The following EPHA3 variants were observed in gnomAD, a reference collection of about 807,000 sequenced individuals.
The protein encoded by EPHA3 is ephrin type-A receptor 3.
EPHA3 carries 42 observed loss-of-function variants against 107.1 expected under a neutral mutation model. That is an observed-to-expected ratio of 0.39 (90% CI 0.31 to 0.51). The LOEUF (loss-of-function observed/expected upper bound fraction) is 0.51, where lower values mean the gene tolerates loss of function less well. EPHA3 is among the 20% of genes least tolerant of loss of function. The pLI is 0.78. For missense variants in EPHA3, 1,183 were observed against 1,211.2 expected (o/e 0.98, Z 0.35); for synonymous variants, 461 against 424.8 (o/e 1.09, Z -1.05).
chr3:89,246,301 G>A (rs750308754), intron 3 of EPHA3, among the ~76,000 whole-genome samples: 5 of 152,178 alleles, frequency 3.3e-5, no homozygotes, highest in Non-Finnish European at 7.3e-5. Flanking sequence ...AAGGCTGAGA[G>A]AAATCCTCCC....
At chr3:89,419,146 A>G in intron 10 of EPHA3, 59 bp from the exon 11 acceptor site, 3 of 1,485,180 alleles carry the variant, frequency 2.0e-6, no homozygotes, top group Non-Finnish European at 2.7e-6. Context: ...GTTGCTCTCT[A>G]CTGATGAATT....
At position 89,447,135 on chromosome 3, in the gene EPHA3, G is replaced by A. The variant is rs538027166; in HGVS notation, c.2347-2090G>A. ...TTATAAAAACATAAACTTGATCTAG[G>A]CATATGTAGATGAGTGCTTTGGGAG... On this transcript the variant is annotated intron_variant, in intron 13 of 16. Coordinates refer to ENST00000336596, the MANE Select transcript of EPHA3 (RefSeq NM_005233.6). Among the ~76,000 whole-genome samples, 17 of 152,226 alleles carry A rather than the reference G, an allele frequency of 1.1e-4. No homozygotes were observed. The South Asian group carries it at 3.5e-3, about 32-fold the overall frequency.
At chr3:89,262,283 TA>T (rs1444566873) in intron 3 of EPHA3, among the ~76,000 whole-genome samples, 3 of 152,194 alleles carry the variant, frequency 2.0e-5, no homozygotes, top group Non-Finnish European at 4.4e-5. Flanking sequence ...CTGGATGACT[TA>T]AAACAACAGA....
At chr3:89,255,175 T>A (rs1705253758) in intron 3 of EPHA3, among the ~76,000 whole-genome samples, 1 of 152,204 alleles carries the variant, frequency 6.6e-6, no homozygotes, top group South Asian at 2.1e-4. Flanking sequence ...TACTTAAAAA[T>A]TTATTTTTAG....
At chr3:89,278,021 A>G (rs1036780759) in intron 3 of EPHA3, among the ~76,000 whole-genome samples, 15 of 152,086 alleles carry the variant, frequency 9.9e-5, no homozygotes, top group Non-Finnish European at 1.8e-4. Flanking sequence ...TTTGACAAAG[A>G]TCTGTGCTTT....
intron 2 of EPHA3, among the ~76,000 whole-genome samples, chr3:89,164,616 T>C (rs1464813840): frequency 6.6e-6 from 1 of 152,106 alleles, no homozygotes; most frequent in Non-Finnish European, 1.5e-5. Context: ...CTAGAAATCT[T>C]CCAGCACAAA....
chr3:89,136,330 C>CTTGTTTTTTTTTTTTT (rs1704309812), intron 2 of EPHA3, among the ~76,000 whole-genome samples: 4 of 23,370 alleles, frequency 1.7e-4, no homozygotes, highest in Non-Finnish European at 2.3e-4. Flanking sequence ...ATCTTACAGG[C>CTTGTTTTTTTTTTTTT]TTTTTTTTTT....
At position 89,265,254 on chromosome 3, in the gene EPHA3, A is replaced by G. The variant is rs563704109; in HGVS notation, c.814+54734A>G. Among the ~76,000 whole-genome samples the G allele has an allele frequency of 2.6e-5, 4 of 152,300 alleles. No homozygotes were observed. In the Middle Eastern group the frequency reaches 0.014, roughly 518 times the overall value. ...AGCTACATTTCCCAAAACTGGTGTC[A>G]TAGAGCATAGCATTTATTTAGAGAT... On this transcript the variant is annotated intron_variant, in intron 3 of 16. Coordinates refer to ENST00000336596, the MANE Select transcript of EPHA3 (RefSeq NM_005233.6).
chr3:89,419,304 A>G lies in EPHA3; in HGVS notation c.1988A>G (p.Gln663Arg). 6.2e-7 allele frequency: 1 copy of G among 1,610,654 alleles called. No individual in the cohort carries two copies. The highest frequency in any genetic ancestry group is 8.5e-7 in the Non-Finnish European group (1 of 1,177,808). Residue 663 changes from glutamine (Q) to arginine (R), a missense_variant, in exon 11 of 17, where the codon CAG (glutamine) becomes CGG (arginine). By Grantham distance (43) the Gln-to-Arg change is conservative (BLOSUM62 1). Coordinates refer to ENST00000336596, the MANE Select transcript of EPHA3 (RefSeq NM_005233.6). ...CTGAAAGTTGGCTACACAGAAAAGC[A>G]GAGGAGAGACTTCCTGGGAGAAGCA... ...KTLKVGYTEK[Q>R]RRDFLGEASI... is the part of the protein sequence containing the mutation.
intron 3 of EPHA3, among the ~76,000 whole-genome samples, chr3:89,226,909 A>G (rs1342272686): frequency 1.3e-5 from 2 of 152,040 alleles, no homozygotes; most frequent in Non-Finnish European, 2.9e-5. Flanking sequence ...CCATTGCATA[A>G]GATTGTTGAG....
intron 3 of EPHA3, among the ~76,000 whole-genome samples, chr3:89,247,601 C>T (rs571946038): frequency 1.3e-5 from 2 of 152,058 alleles, no homozygotes; most frequent in African/African-American, 4.8e-5. Flanking sequence ...ACCATGGAAA[C>T]AGGTTACTTG....
chr3:89,307,811 C>T (rs1441420924), intron 3 of EPHA3, among the ~76,000 whole-genome samples: 1 of 152,100 alleles, frequency 6.6e-6, no homozygotes, highest in Non-Finnish European at 1.5e-5. Context: ...CCTGGGCCTC[C>T]CAAAGTGCTT....
chr3:89,367,573 A>T (rs1047668138), intron 5 of EPHA3, among the ~76,000 whole-genome samples: 7 of 150,664 alleles, frequency 4.6e-5, no homozygotes, highest in African/African-American at 1.5e-4. Context: ...TACAGAGGAG[A>T]AAAAAACAAA....
chr3:89,474,893 A>G (rs1190262913), intron 16 of EPHA3, among the ~76,000 whole-genome samples: 1 of 152,212 alleles, frequency 6.6e-6, no homozygotes, highest in African/African-American at 2.4e-5. Context: ...GTGAATATAC[A>G]TTCAAGATGA....
chr3:89,303,329 T>G (rs1706534925), intron 3 of EPHA3, among the ~76,000 whole-genome samples: 1 of 151,634 alleles, frequency 6.6e-6, no homozygotes, highest in African/African-American at 2.4e-5. Context: ...TTGTTCACTG[T>G]CTTCTTCAAA....
At chr3:89,337,242 G>A (rs1380514166) in intron 3 of EPHA3, among the ~76,000 whole-genome samples, 2 of 152,076 alleles carry the variant, frequency 1.3e-5, no homozygotes, top group African/African-American at 2.4e-5. Flanking sequence ...TTTAGAATTG[G>A]TAGAAAAATA....
intron 3 of EPHA3, among the ~76,000 whole-genome samples, chr3:89,273,402 A>G (rs992170441): frequency 9.2e-5 from 14 of 151,924 alleles, no homozygotes; most frequent in African/African-American, 3.4e-4. Flanking sequence ...CTTTATATTA[A>G]TAGAACAGTA....
intron 2 of EPHA3, among the ~76,000 whole-genome samples, chr3:89,139,015 G>A (rs746816300): frequency 1.3e-4 from 19 of 151,622 alleles, no homozygotes; most frequent in African/African-American, 2.7e-4. Flanking sequence ...AAGTACTCTC[G>A]CAGTAGAAGT....
At chr3:89,364,726 G>C (rs76163296) in intron 5 of EPHA3, among the ~76,000 whole-genome samples, 2,972 of 151,072 alleles carry the variant, frequency 0.02, 112 homozygotes, top group African/African-American at 0.065. Context: ...TCCTCTAAAT[G>C]TCTTTAATTC....
Sources: allele counts gnomAD v4.1 joint callset (sites outside exome capture counted in the v4.1 genomes callset), GRCh38; gene constraint gnomAD v4.1.1; transcripts MANE v1.5; gene names NCBI Gene and HGNC (gene_info 2026-07-23, HGNC 2026-07-21).